WIPF3: variants seen among roughly 807,000 people sequenced by gnomAD.
WIPF3 encodes the protein WAS/WASL interacting protein family member 3, also known as WAS/WASL-interacting protein family member 3.
Under a neutral mutation model 38.9 loss-of-function variants are expected in WIPF3, and 33 were observed. The observed-to-expected ratio is 0.85, with a 90% CI of 0.64 to 1.14. The LOEUF is 1.14. Ranked by LOEUF, WIPF3 falls within the 50% of genes most tolerant of loss-of-function variation. The probability of loss-of-function intolerance (pLI) is 0.00; values close to 1 mark genes in which losing one functional copy is unlikely to be tolerated. For missense variants in WIPF3, 711 were observed against 652.5 expected, an observed-to-expected ratio of 1.09 and a Z score of -0.98; for synonymous variants, 324 against 269.3, an observed-to-expected ratio of 1.20 and a Z score of -1.99.
At chr7:29,869,802 A>G (rs566701260) in intron 2 of WIPF3, among the ~76,000 whole-genome samples, 1 of 152,352 alleles carries the variant, frequency 6.6e-6, no homozygotes, top group Non-Finnish European at 1.5e-5. Context: ...ATATATTGCC[A>G]GATGTGCAGT....
intron 7 of WIPF3, among the ~76,000 whole-genome samples, chr7:29,892,188 C>T (rs1786037584): frequency 6.6e-6 from 1 of 152,210 alleles, no homozygotes; most frequent in Non-Finnish European, 1.5e-5. Flanking sequence ...TTTACTCCCT[C>T]AGGCAGCAGG....
intron 2 of WIPF3, among the ~76,000 whole-genome samples, chr7:29,868,163 G>A (rs1421866886): frequency 6.6e-6 from 1 of 152,190 alleles, no homozygotes; most frequent in Non-Finnish European, 1.5e-5. Flanking sequence ...ACTGTATTTG[G>A]TGTCAAGAGC....
intron 4 of WIPF3, among the ~76,000 whole-genome samples, chr7:29,882,499 A>T (rs1321177002): frequency 1.3e-5 from 2 of 152,224 alleles, no homozygotes; most frequent in Non-Finnish European, 2.9e-5. Flanking sequence ...CTGTCACATT[A>T]TAGCCAGAGG....
intron 2 of WIPF3, among the ~76,000 whole-genome samples, chr7:29,838,931 G>T (rs1486736002): frequency 1.3e-5 from 2 of 152,146 alleles, no homozygotes; most frequent in African/African-American, 4.8e-5. Context: ...GAATAGCCAC[G>T]TGACAAAAGA....
At chr7:29,821,786 A>G (rs1240431468) in intron 1 of WIPF3, among the ~76,000 whole-genome samples, 1 of 151,990 alleles carries the variant, frequency 6.6e-6, no homozygotes, top group African/African-American at 2.4e-5. Context: ...GTCCATTTAC[A>G]TTTCATTCTG....
intron 1 of WIPF3, among the ~76,000 whole-genome samples, chr7:29,811,468 A>AT (rs1161053365): frequency 1.3e-5 from 2 of 152,226 alleles, no homozygotes; most frequent in Non-Finnish European, 2.9e-5. Context: ...AGAATAGATC[A>AT]TAAGTTGTGG....
chr7:29,885,596 A>G (rs1785859356), intron 5 of WIPF3, among the ~76,000 whole-genome samples: 1 of 152,198 alleles, frequency 6.6e-6, no homozygotes, highest in South Asian at 2.1e-4. Context: ...AGATGGCTTG[A>G]GGTCAGGAGT....
At chr7:29,808,937 A>G (rs755321899) in intron 1 of WIPF3, among the ~76,000 whole-genome samples, 5 of 152,374 alleles carry the variant, frequency 3.3e-5, no homozygotes, top group Middle Eastern at 3.4e-3. Flanking sequence ...AATTTTCACC[A>G]GGATGGCAGT....
chr7:29,888,510 C>CGTGCGTGTGTGT (rs1785936307), intron 6 of WIPF3, among the ~76,000 whole-genome samples: 1 of 147,810 alleles, frequency 6.8e-6, no homozygotes, highest in Non-Finnish European at 1.5e-5. Context: ...CGTGTGTGTG[C>CGTGCGTGTGTGT]GTGTGTGTGT....
intron 8 of WIPF3, among the ~76,000 whole-genome samples, chr7:29,913,800 C>CCA (rs372025183): frequency 4.0e-4 from 61 of 152,316 alleles, no homozygotes; most frequent in African/African-American, 4.3e-4. Context: ...GTTAGAATCT[C>CCA]CAGGGACAAG....
chr7:29,851,704 G>A (rs1200767095), intron 2 of WIPF3, among the ~76,000 whole-genome samples: 1 of 152,240 alleles, frequency 6.6e-6, no homozygotes, highest in Non-Finnish European at 1.5e-5. Flanking sequence ...GGCAAGACCA[G>A]CTGCATGGCC....
chr7:29,895,901 G>T (rs1786133193), intron 7 of WIPF3, among the ~76,000 whole-genome samples: 1 of 152,162 alleles, frequency 6.6e-6, no homozygotes, highest in Non-Finnish European at 1.5e-5. Flanking sequence ...ATTTGGTGGG[G>T]ACACGTATTC....
At chr7:29,868,088 G>C (rs1785423778) in intron 2 of WIPF3, among the ~76,000 whole-genome samples, 1 of 152,222 alleles carries the variant, frequency 6.6e-6, no homozygotes, top group Non-Finnish European at 1.5e-5. Context: ...CTTGGCAGCG[G>C]AAAAGCAGAT....
chr7:29,869,081 G>T (rs1785446075), intron 2 of WIPF3, among the ~76,000 whole-genome samples: 1 of 151,354 alleles, frequency 6.6e-6, no homozygotes, highest in South Asian at 2.1e-4. Flanking sequence ...CCAGACTAGA[G>T]TGCAATGGCG....
chr7:29,913,431 G>C (rs1364720658), intron 8 of WIPF3, among the ~76,000 whole-genome samples: 1 of 151,666 alleles, frequency 6.6e-6, no homozygotes, highest in Admixed American at 6.6e-5. Context: ...AATGTTAATA[G>C]GCATTCACTC....
chr7:29,908,808 T>C (rs1355783243), intron 8 of WIPF3, among the ~76,000 whole-genome samples: 4 of 150,392 alleles, frequency 2.7e-5, no homozygotes, highest in African/African-American at 9.8e-5. Flanking sequence ...CTTGGGAGGC[T>C]GAGGTGGGAG....
intron 1 of WIPF3, among the ~76,000 whole-genome samples, chr7:29,820,582 T>G (rs944669983): frequency 3.3e-5 from 5 of 152,162 alleles, no homozygotes; most frequent in Non-Finnish European, 7.4e-5. Flanking sequence ...AATAATTCTC[T>G]GTTGTTGTTT....
At chr7:29,896,077 G>A (rs979269167) in intron 7 of WIPF3, among the ~76,000 whole-genome samples, 1 of 152,162 alleles carries the variant, frequency 6.6e-6, no homozygotes, top group African/African-American at 2.4e-5. Context: ...GGAATGGTGA[G>A]TGAGTACTGA....
chr7:29,814,893 C>T (rs1281733698), intron 1 of WIPF3, among the ~76,000 whole-genome samples: 3 of 152,156 alleles, frequency 2.0e-5, no homozygotes, highest in African/African-American at 7.2e-5. Context: ...GAAACTGGCC[C>T]CTTTCCTATG....
Sources: allele counts gnomAD v4.1 joint callset (sites outside exome capture counted in the v4.1 genomes callset), GRCh38; gene constraint gnomAD v4.1.1; transcripts MANE v1.5; gene names NCBI Gene and HGNC (gene_info 2026-07-23, HGNC 2026-07-21).